Variants in FOXP1 observed in about 807,000 individuals in gnomAD.
The protein encoded by FOXP1 is forkhead box P1.
FOXP1 carries 15 observed loss-of-function variants against 98.2 expected under a neutral mutation model. That is an observed-to-expected ratio of 0.15 (90% confidence interval 0.10 to 0.24). The LOEUF (loss-of-function observed/expected upper bound fraction) is 0.24. Among genes scored for constraint, FOXP1 ranks in the 10% least tolerant of loss-of-function variants. FOXP1 has a pLI of 1.00. For missense variants in FOXP1, 633 were observed against 848.5 expected (o/e 0.75, Z 3.15); for synonymous variants, 371 against 314.5 (o/e 1.18, Z -1.90).
chr3:71,476,349 C>A (rs890030758), intron 3 of FOXP1, among the ~76,000 whole-genome samples: 1 of 148,980 alleles, frequency 6.7e-6, no homozygotes, highest in Admixed American at 6.7e-5. Context: ...CCAAACTAGT[C>A]TGAGCCATAA....
At chr3:71,252,978 T>C (rs1488564370) in intron 5 of FOXP1, among the ~76,000 whole-genome samples, 1 of 152,182 alleles carries the variant, frequency 6.6e-6, no homozygotes, top group Non-Finnish European at 1.5e-5. Context: ...AGATGCTGCC[T>C]GAGACAGAGG....
intron 4 of FOXP1, among the ~76,000 whole-genome samples, chr3:71,317,472 C>A (rs1251502021): frequency 6.6e-6 from 1 of 150,870 alleles, no homozygotes; most frequent in East Asian, 1.9e-4. Context: ...AATGGCCCCA[C>A]TGGAAAAAAA....
intron 3 of FOXP1, among the ~76,000 whole-genome samples, chr3:71,469,808 T>TC (rs756319909): frequency 2.0e-5 from 3 of 151,770 alleles, no homozygotes; most frequent in Admixed American, 2.0e-4. Context: ...AAATATCAGT[T>TC]CCCCCCCAGT....
In FOXP1 at chr3:71,217,095, T is replaced by C. The variant is rs539758579; in HGVS notation, c.-11-18703A>G. ...TTTAATGTATTATTATTTTTTGAGATGGAGTCTCATTCTGTCACCCAGGCT... is the reference window on the plus strand; with the variant it reads ...TTTAATGTATTATTATTTTTTGAGACGGAGTCTCATTCTGTCACCCAGGCT... On this transcript the variant is annotated intron_variant, in intron 5 of 20. Coordinates refer to ENST00000649528, the MANE Select transcript of FOXP1 (RefSeq NM_001349338.3). 3.9e-4 allele frequency among the ~76,000 whole-genome samples: 59 copies of C among 152,302 alleles called. 1 individual carries two copies. Among genetic ancestry groups the C allele is most frequent in the Non-Finnish European group, 4.4e-4 (30 of 68,020 alleles).
chr3:71,390,551 G>A (rs1378461438), intron 3 of FOXP1, among the ~76,000 whole-genome samples: 4 of 147,278 alleles, frequency 2.7e-5, no homozygotes, highest in South Asian at 2.2e-4. Flanking sequence ...ATGGATGGGC[G>A]TCAGTAAGGA....
chr3:71,092,320 T>C (rs1050713669), intron 7 of FOXP1, among the ~76,000 whole-genome samples: 57 of 151,308 alleles, frequency 3.8e-4, no homozygotes, highest in African/African-American at 1.3e-3. Flanking sequence ...GAGGTTGCAG[T>C]GAGCAAGATG....
At chr3:70,981,707 T>G (rs1318944141) in intron 14 of FOXP1, among the ~76,000 whole-genome samples, 1 of 152,206 alleles carries the variant, frequency 6.6e-6, no homozygotes, top group African/African-American at 2.4e-5. Flanking sequence ...CAAAACCAAG[T>G]GCCAAGTCTC....
At chr3:71,151,563 T>C (rs1441858671) in intron 6 of FOXP1, among the ~76,000 whole-genome samples, 1 of 151,752 alleles carries the variant, frequency 6.6e-6, no homozygotes, top group Admixed American at 6.6e-5. Context: ...GGGCAAGGGA[T>C]ATAGCCACCT....
chr3:71,272,061 CAA>C (rs1298242374), intron 5 of FOXP1, among the ~76,000 whole-genome samples: 1 of 152,100 alleles, frequency 6.6e-6, no homozygotes, highest in Non-Finnish European at 1.5e-5. Flanking sequence ...AATCAGGAAT[CAA>C]AAGAGTCTTA....
At chr3:71,518,509 C>T (rs1233253215) in intron 2 of FOXP1, among the ~76,000 whole-genome samples, 2 of 152,152 alleles carry the variant, frequency 1.3e-5, no homozygotes, top group Non-Finnish European at 2.9e-5. Context: ...CTTTTGTGAA[C>T]ATGTTCACCT....
intron 5 of FOXP1, among the ~76,000 whole-genome samples, chr3:71,204,770 G>A (rs2108426446): frequency 6.6e-6 from 1 of 152,222 alleles, no homozygotes; most frequent in African/African-American, 2.4e-5. Flanking sequence ...AAAAAGGGTA[G>A]ATGGGAGGAG....
intron 12 of FOXP1, among the ~76,000 whole-genome samples, chr3:71,013,265 C>A (rs866851918): frequency 6.6e-6 from 1 of 152,108 alleles, no homozygotes; most frequent in Non-Finnish European, 1.5e-5. Context: ...AGTTAAGAAC[C>A]AAATTGGTAG....
intron 3 of FOXP1, among the ~76,000 whole-genome samples, chr3:71,483,232 T>C (rs1325939294): frequency 3.9e-5 from 6 of 152,326 alleles, no homozygotes; most frequent in African/African-American, 1.4e-4. Flanking sequence ...CATCTAGATA[T>C]ATTTTTGTCT....
chr3:70,972,715 A>C (rs766318445), intron 17 of FOXP1, 39 bp from the exon 18 acceptor site: 1 of 1,607,740 alleles, frequency 6.2e-7, no homozygotes, highest in Non-Finnish European at 8.5e-7. Flanking sequence ...TACATTTTCT[A>C]TAAGAAAAGA....
intron 2 of FOXP1, among the ~76,000 whole-genome samples, chr3:71,555,664 G>A (rs182085396): frequency 1.4e-3 from 206 of 152,234 alleles, no homozygotes; most frequent in Non-Finnish European, 2.2e-3. Flanking sequence ...TGGGTGGAAC[G>A]TGTTCCAGGG....
intron 6 of FOXP1, among the ~76,000 whole-genome samples, chr3:71,183,430 C>T (rs557150783): frequency 1.3e-5 from 2 of 152,164 alleles, no homozygotes; most frequent in South Asian, 2.1e-4. Context: ...ACCCAGGAGG[C>T]GGAGGTTGCA....
chr3:71,384,503 C>G (rs548135569), intron 3 of FOXP1, among the ~76,000 whole-genome samples: 1 of 152,128 alleles, frequency 6.6e-6, no homozygotes, highest in Admixed American at 6.5e-5. Context: ...AAAGTTCAAG[C>G]CAATTTTATT....
chr3:71,326,144 C>T (rs1438838277), intron 4 of FOXP1, among the ~76,000 whole-genome samples: 2 of 152,180 alleles, frequency 1.3e-5, no homozygotes, highest in African/African-American at 4.8e-5. Flanking sequence ...ATCTGGCACG[C>T]ATTAGCAGGA....
intron 18 of FOXP1, 134 bp downstream of exon 18, chr3:70,972,420 CT>C (rs2036459949): frequency 7.6e-7 from 1 of 1,317,394 alleles, no homozygotes; most frequent in Non-Finnish European, 1.1e-6. Flanking sequence ...GGATGAAATG[CT>C]TTTTTGCTTC....
Sources: gnomAD v4.1 joint callset for allele counts (sites outside exome capture counted in the v4.1 genomes callset) on GRCh38, gnomAD v4.1.1 for gene constraint, MANE v1.5 for transcripts, NCBI Gene and HGNC (gene_info 2026-07-23, HGNC 2026-07-21) for gene names.